Variants in VPS13B observed in about 807,000 individuals in gnomAD.
VPS13B encodes the protein vacuolar protein sorting 13 homolog B.
Under a neutral mutation model 426.4 loss-of-function variants are expected in VPS13B, and 285 were observed. That is an observed-to-expected ratio of 0.67 (90% confidence interval 0.61 to 0.74). The LOEUF is 0.74. Among genes scored for constraint, VPS13B ranks in the 30% least tolerant of loss-of-function variants. The pLI is 0.00. For synonymous variants in VPS13B, 1,676 were observed against 1,676.4 expected, an observed-to-expected ratio of 1.00 and a Z score of 0.01; for missense variants, 4,537 against 4,782.6, an observed-to-expected ratio of 0.95 and a Z score of 1.51.
chr8:99,478,719 G>C (rs1386445847), intron 24 of VPS13B, among the ~76,000 whole-genome samples: 1 of 151,384 alleles, frequency 6.6e-6, no homozygotes, highest in African/African-American at 2.4e-5. Context: ...AAAGTGCTGG[G>C]ATTACAGGCA....
At chr8:99,428,502 AC>A (rs1563725032) in intron 21 of VPS13B, among the ~76,000 whole-genome samples, 2 of 152,238 alleles carry the variant, frequency 1.3e-5, no homozygotes, top group African/African-American at 4.8e-5. Flanking sequence ...TCAAGAGAAG[AC>A]ATTTTTGCAG....
At chr8:99,710,589 T>C (rs779878661) in intron 36 of VPS13B, among the ~76,000 whole-genome samples, 1 of 152,178 alleles carries the variant, frequency 6.6e-6, no homozygotes, top group Non-Finnish European at 1.5e-5. Flanking sequence ...AACCCTGTCA[T>C]GAGTCCCAGG....
chr8:99,563,965 G>C (rs966749653), intron 31 of VPS13B, among the ~76,000 whole-genome samples: 2 of 152,152 alleles, frequency 1.3e-5, no homozygotes, highest in Admixed American at 1.3e-4. Context: ...AAATTCAAAA[G>C]ATATAATGAA....
chr8:99,020,333 T>A (rs959628826), intron 2 of VPS13B, among the ~76,000 whole-genome samples: 8 of 152,184 alleles, frequency 5.3e-5, no homozygotes, highest in African/African-American at 1.7e-4. Flanking sequence ...TCGGGTTCTT[T>A]GTTTTTTGTT....
At chr8:99,389,887 G>A (rs1814328560) in intron 20 of VPS13B, among the ~76,000 whole-genome samples, 1 of 151,992 alleles carries the variant, frequency 6.6e-6, no homozygotes. Flanking sequence ...GAGTATAAGA[G>A]GTTTTCTAGT....
intron 35 of VPS13B, among the ~76,000 whole-genome samples, chr8:99,669,978 A>T (rs1830640758): frequency 6.6e-6 from 1 of 152,120 alleles, no homozygotes; most frequent in East Asian, 1.9e-4. Context: ...CTTAAATGCT[A>T]TAAAATAGTA....
intron 54 of VPS13B, among the ~76,000 whole-genome samples, chr8:99,840,602 A>G (rs1270425882): frequency 6.6e-6 from 1 of 152,214 alleles, no homozygotes; most frequent in Admixed American, 6.5e-5. Context: ...CTCCACTCTC[A>G]TCTAGCCCAT....
intron 19 of VPS13B, among the ~76,000 whole-genome samples, chr8:99,371,363 TTTTGTTGGG>T (rs1414124530): frequency 2.4e-4 from 36 of 152,156 alleles, no homozygotes; most frequent in African/African-American, 8.7e-4. Flanking sequence ...CGTTGCTTGT[TTTTGTTGGG>T]TTTGTTGAAG....
At chr8:99,769,298 A>G (rs1157747813) in intron 40 of VPS13B, among the ~76,000 whole-genome samples, 4 of 152,260 alleles carry the variant, frequency 2.6e-5, no homozygotes, top group Non-Finnish European at 5.9e-5. Context: ...AAAGTCAACA[A>G]AATAAAACAC....
At chr8:99,443,020 G>T (rs537868802) in intron 23 of VPS13B, among the ~76,000 whole-genome samples, 8 of 151,922 alleles carry the variant, frequency 5.3e-5, no homozygotes, top group Non-Finnish European at 1.0e-4. Flanking sequence ...ATAATTGCGT[G>T]AATATATTAT....
At chr8:99,292,232 G>A (rs1040331840) in intron 19 of VPS13B, among the ~76,000 whole-genome samples, 42 of 152,138 alleles carry the variant, frequency 2.8e-4, no homozygotes, top group African/African-American at 9.7e-4. Flanking sequence ...CAGCCAGCCT[G>A]TGAAAGGGAT....
At chr8:99,676,694 A>G (rs904595621) in intron 35 of VPS13B, among the ~76,000 whole-genome samples, 4 of 151,678 alleles carry the variant, frequency 2.6e-5, no homozygotes, top group African/African-American at 9.7e-5. Context: ...TTGTGAAGGT[A>G]TTTTCTTGTG....
intron 2 of VPS13B, among the ~76,000 whole-genome samples, chr8:99,015,843 C>T (rs1361401303): frequency 6.6e-6 from 1 of 152,100 alleles, no homozygotes; most frequent in Admixed American, 6.5e-5. Flanking sequence ...GTGGAGGTTG[C>T]AGTGAGCCGA....
chr8:99,116,441 T>G (rs1049094676), intron 7 of VPS13B, among the ~76,000 whole-genome samples: 7 of 152,162 alleles, frequency 4.6e-5, no homozygotes, highest in Non-Finnish European at 1.5e-5. Flanking sequence ...ATGTACTACT[T>G]ATTTATTTAT....
intron 30 of VPS13B, among the ~76,000 whole-genome samples, chr8:99,544,638 A>T (rs1323107199): frequency 6.6e-6 from 1 of 152,144 alleles, no homozygotes; most frequent in African/African-American, 2.4e-5. Flanking sequence ...TGCAAAATTA[A>T]ATAAGTAAAA....
chr8:99,603,863 G>A (rs1827439868), intron 33 of VPS13B, among the ~76,000 whole-genome samples: 1 of 152,118 alleles, frequency 6.6e-6, no homozygotes, highest in Admixed American at 6.6e-5. Context: ...TAAGATGTAA[G>A]GCCATCTATT....
intron 39 of VPS13B, among the ~76,000 whole-genome samples, chr8:99,735,098 G>A (rs1485220272): frequency 6.6e-6 from 1 of 152,150 alleles, no homozygotes; most frequent in Non-Finnish European, 1.5e-5. Context: ...GAAATGGTTT[G>A]GGGAATTATC....
intron 33 of VPS13B, among the ~76,000 whole-genome samples, chr8:99,586,835 A>AT (rs982960203): frequency 5.3e-5 from 8 of 151,972 alleles, no homozygotes; most frequent in Middle Eastern, 3.4e-3. Context: ...AAAGAAAACT[A>AT]TTTTTTTTAT....
intron 19 of VPS13B, among the ~76,000 whole-genome samples, chr8:99,355,881 G>A (rs1396207191): frequency 1.3e-5 from 2 of 152,022 alleles, no homozygotes; most frequent in Non-Finnish European, 2.9e-5. Context: ...TTTCTTGTGT[G>A]TTTGCTTCTT....
Sources: gnomAD v4.1 joint callset for allele counts (sites outside exome capture counted in the v4.1 genomes callset) on GRCh38, gnomAD v4.1.1 for gene constraint, MANE v1.5 for transcripts, NCBI Gene and HGNC (gene_info 2026-07-23, HGNC 2026-07-21) for gene names.